Variants in USP24 observed in about 807,000 individuals in gnomAD.
USP24 encodes ubiquitin specific peptidase 24, also known as ubiquitin carboxyl-terminal hydrolase 24.
Under a neutral mutation model 361.6 loss-of-function variants are expected in USP24, and 97 were observed. The observed-to-expected ratio is 0.27, with a 90% CI of 0.23 to 0.32. USP24 has a LOEUF of 0.32. Among genes scored for constraint, USP24 ranks in the 10% least tolerant of loss-of-function variants. The pLI is 1.00. For synonymous variants in USP24, 1,098 were observed against 1,124.6 expected, an observed-to-expected ratio of 0.98 and a Z score of 0.47; for missense variants, 2,353 against 3,165.6, an observed-to-expected ratio of 0.74 and a Z score of 6.16.
At chr1:55,169,947 T>C (rs1305656230) in intron 5 of USP24, among the ~76,000 whole-genome samples, 1 of 152,126 alleles carries the variant, frequency 6.6e-6, no homozygotes, top group African/African-American at 2.4e-5. Flanking sequence ...AAGGTCTTTA[T>C]GTACTGCTCA....
intron 58 of USP24, among the ~76,000 whole-genome samples, 186 bp from the exon 59 acceptor site, chr1:55,081,610 T>C (rs968427877): frequency 6.6e-6 from 1 of 152,216 alleles, no homozygotes; most frequent in Non-Finnish European, 1.5e-5. Context: ...TTAACTCATA[T>C]TCTAAAACCA....
intron 59 of USP24, 77 bp downstream of exon 59, chr1:55,081,245 C>G (rs979742095): frequency 7.2e-7 from 1 of 1,392,986 alleles, no homozygotes; most frequent in Non-Finnish European, 1.0e-6. Flanking sequence ...AAGAGACATT[C>G]ATTTACTTGC....
chr1:55,213,414 T>A (rs1312149523), intron 1 of USP24, among the ~76,000 whole-genome samples: 1 of 152,236 alleles, frequency 6.6e-6, no homozygotes, highest in Admixed American at 6.5e-5. Flanking sequence ...CCTGTTCTTT[T>A]TAAGTGCCAC....
chr1:55,178,153 T>A, intron 1 of USP24, 21 bp from the exon 2 acceptor site: 1 of 1,440,858 alleles, frequency 6.9e-7, no homozygotes, highest in African/African-American at 2.3e-5. Flanking sequence ...GGGATTAAGA[T>A]AAAAAGCAAA....
Sources: gnomAD v4.1 joint callset for allele counts (sites outside exome capture counted in the v4.1 genomes callset) on GRCh38, gnomAD v4.1.1 for gene constraint, MANE v1.5 for transcripts, NCBI Gene and HGNC (gene_info 2026-07-23, HGNC 2026-07-21) for gene names.